The following ARFGEF2 variants were observed in gnomAD, a reference collection of about 807,000 sequenced individuals.
ARFGEF2 encodes the protein ARF guanine nucleotide exchange factor 2.
In ARFGEF2, 74 loss-of-function variants were observed where a neutral mutation model predicts 219.9. That is an observed-to-expected ratio of 0.34 (90% confidence interval 0.28 to 0.41). ARFGEF2 has a LOEUF of 0.41. ARFGEF2 is among the 10% of genes least tolerant of loss of function. The probability of loss-of-function intolerance (pLI) is 1.00; values close to 1 mark genes in which losing one functional copy is unlikely to be tolerated. For missense variants in ARFGEF2, 1,743 were observed against 2,218.3 expected (o/e 0.79, Z 4.30); for synonymous variants, 733 against 799.2 (o/e 0.92, Z 1.40).
rs7270848 is a variant in ARFGEF2, at chr20:49,023,200, A to G, written c.4755+19A>G. The G allele has an allele frequency of 0.32, 514,364 of 1,613,152 alleles. 84,582 individuals are homozygous for G. Among genetic ancestry groups the G allele is most frequent in the African/African-American group, 0.53 (39,410 of 74,866 alleles). On this transcript the variant is annotated intron_variant, in intron 35 of 38. Coordinates refer to ENST00000371917, the MANE Select transcript of ARFGEF2 (RefSeq NM_006420.3). ...CGCCCAGGTAAGAACAGGAGGCCTC[A>G]GGAAGAGCATCCCTGTCCATAGGGA...
At position 49,034,858 on chromosome 20, in the gene ARFGEF2, GT is replaced by G. The variant is rs1446062426; in HGVS notation, c.*1665del. 1 of 152,144 alleles carries G rather than the reference GT, an allele frequency of 6.6e-6. No homozygotes were observed. Among genetic ancestry groups the G allele is most frequent in the African/African-American group, 2.4e-5 (1 of 41,422 alleles). 9.4% of individuals were successfully genotyped at this position (152,144 alleles called of 1,614,324 possible). On this transcript the variant is annotated 3_prime_UTR_variant, in exon 39 of 39. Coordinates refer to ENST00000371917, the MANE Select transcript of ARFGEF2 (RefSeq NM_006420.3). The stretch of plus-strand genomic sequence containing the variant: ...TCTACTTTTTTCTTTCCCAAAAAGT[GT>G]TTTTTAATTTCTCTACCAAAGAAAA...
chr20:48,959,512 TTCCACC>T (rs2091129932), intron 6 of ARFGEF2, among the ~76,000 whole-genome samples: 1 of 12,974 alleles, frequency 7.7e-5, no homozygotes. Flanking sequence ...CTTCCCTCCT[TTCCACC>T]CTCCCTCTTT....
intron 37 of ARFGEF2, among the ~76,000 whole-genome samples, chr20:49,030,196 C>T (rs568698612): frequency 2.2e-4 from 34 of 151,996 alleles, no homozygotes; most frequent in African/African-American, 4.4e-4. Context: ...TGAGCCACTG[C>T]GCCCGGCCTA....
intron 12 of ARFGEF2, 35 bp from the exon 13 acceptor site, chr20:48,974,731 G>T (rs1202430228): frequency 6.4e-7 from 1 of 1,561,914 alleles, no homozygotes; most frequent in Non-Finnish European, 8.8e-7. Flanking sequence ...TCATTTTTCT[G>T]TTAAGTCTCT....
chr20:48,932,205 G>A lies in ARFGEF2; in HGVS notation c.122-8994G>A, dbSNP rs955365641. 3.3e-5 allele frequency among the ~76,000 whole-genome samples: 5 copies of A among 152,234 alleles called. No individual in the cohort carries two copies. In the East Asian group the frequency reaches 7.7e-4, roughly 24 times the overall value. On this transcript the variant is annotated intron_variant, in intron 1 of 38. Coordinates refer to ENST00000371917, the MANE Select transcript of ARFGEF2 (RefSeq NM_006420.3). ...GCAGGAGAGAGCAGAGAGTAGGCCC[G>A]AAGTGGGTCAGGTTGTAGGTTTGCT... is the stretch of plus-strand genomic sequence containing the variant.
chr20:48,961,006 G>C (rs1159368923), intron 6 of ARFGEF2, among the ~76,000 whole-genome samples: 6 of 150,746 alleles, frequency 4.0e-5, no homozygotes, highest in African/African-American at 1.5e-4. Flanking sequence ...CTTGAACCCG[G>C]GAGGCGGAGG....
At position 49,036,097 on chromosome 20, in the gene ARFGEF2, C is replaced by T. The variant is rs562341163; in HGVS notation, c.*2898C>T. The T allele has an allele frequency of 4.3e-5, 17 of 397,992 alleles. No individual in the cohort carries two copies. The South Asian group carries it at 2.2e-3, about 51-fold the overall frequency. The allele number at this position is 397,992 out of a possible 1,614,324, so 24.7% of individuals were successfully genotyped here. A position where few individuals can be genotyped will look rare whatever the true frequency, so the allele number is the denominator to read the frequency against. ...AACCTGCTGATAAGTACAAGTGTGA[C>T]CATCTCATTCAAATGTTTGTTGTTA... On this transcript the variant is annotated 3_prime_UTR_variant, in exon 39 of 39. Transcript: ENST00000371917.
chr20:49,024,757 T>C (rs559514633), intron 35 of ARFGEF2, among the ~76,000 whole-genome samples: 1 of 152,126 alleles, frequency 6.6e-6, no homozygotes, highest in Non-Finnish European at 1.5e-5. Context: ...CCCAGCACTT[T>C]GGGAGGCCGA....
In ARFGEF2 at chr20:48,982,769, A is replaced by G. The variant is rs184735256; in HGVS notation, c.1959-1960A>G. Among the ~76,000 whole-genome samples, 551 of 152,266 alleles carry G rather than the reference A, an allele frequency of 3.6e-3. 3 individuals are homozygous for G. Among genetic ancestry groups the G allele is most frequent in the African/African-American group, 0.013 (531 of 41,558 alleles). On this transcript the variant is annotated intron_variant, in intron 14 of 38. Coordinates refer to ENST00000371917, the MANE Select transcript of ARFGEF2 (RefSeq NM_006420.3). ...ATCTCAGACTGCTGAGCCAGCAGTGAGCAAGGCTCCGTGGGCGTGGGACCT... is the reference window on the plus strand; with the variant it reads ...ATCTCAGACTGCTGAGCCAGCAGTGGGCAAGGCTCCGTGGGCGTGGGACCT...
chr20:48,994,365 T>A (rs1026464803), intron 21 of ARFGEF2, 86 bp from the exon 22 acceptor site: 24 of 1,575,116 alleles, frequency 1.5e-5, no homozygotes, highest in Non-Finnish European at 2.1e-5. Flanking sequence ...TGAACCAACT[T>A]TTTTTTAATG....
At position 48,953,770 on chromosome 20, in the gene ARFGEF2, A is replaced by G. The variant is rs2091088168; in HGVS notation, c.818A>G (p.Glu273Gly). The stretch of plus-strand genomic sequence containing the variant: ...ACAGAAAATGGAGACGCACCCAGAG[A>G]AAGAGGCTCATCACTGTCAGGTACG... ...VSTENGDAPR[E>G]RGSSLSGTDD... is the part of the protein sequence containing the mutation. Residue 273 changes from glutamate (E) to glycine (G), a missense_variant, in exon 6 of 39, where the codon GAA (glutamate) becomes GGA (glycine). This residue lies in a region of ARFGEF2 where 394 missense variants were observed against 426.6 expected (regional missense o/e 0.92). Coordinates refer to ENST00000371917, the MANE Select transcript of ARFGEF2 (RefSeq NM_006420.3). 2 of 1,614,042 alleles carry G rather than the reference A, an allele frequency of 1.2e-6. No individual in the cohort carries two copies. The highest frequency in any genetic ancestry group is 1.7e-5 in the Admixed American group (1 of 59,998).
At chr20:48,941,373 G>A (rs1290959916) in intron 2 of ARFGEF2, 144 bp downstream of exon 2, 10 of 833,020 alleles carry the variant, frequency 1.2e-5, no homozygotes, top group African/African-American at 5.1e-5. Context: ...CTAGGCACAC[G>A]GCACAACTCT....
In ARFGEF2 at chr20:49,017,626, T is replaced by C. The variant is rs887530504; in HGVS notation, c.4509+76T>C. 7 of 1,504,358 alleles carry C rather than the reference T, an allele frequency of 4.7e-6. No homozygotes were observed. In the African/African-American group the frequency reaches 9.8e-5, roughly 21 times the overall value. 93.2% of individuals were successfully genotyped at this position (1,504,358 alleles called of 1,614,324 possible). A position where few individuals can be genotyped will look rare whatever the true frequency, so the allele number is the denominator to read the frequency against. On this transcript the variant is annotated intron_variant, in intron 33 of 38. Coordinates refer to ENST00000371917, the MANE Select transcript of ARFGEF2 (RefSeq NM_006420.3). Reference sequence around the variant, plus strand: ...AAAAGATCAATAAGCCTGTATAGTTTGTACTTTTTTTAATGGGAAGTGAGT... The same window carrying C: ...AAAAGATCAATAAGCCTGTATAGTTCGTACTTTTTTTAATGGGAAGTGAGT...
At chr20:49,000,935 G>A (rs1289898931) in intron 25 of ARFGEF2, among the ~76,000 whole-genome samples, 3 of 152,086 alleles carry the variant, frequency 2.0e-5, no homozygotes, top group Non-Finnish European at 4.4e-5. Context: ...TTACAGGCAA[G>A]GTTGGGACAT....
chr20:49,026,576 T>A (rs887307933), intron 36 of ARFGEF2, among the ~76,000 whole-genome samples: 2 of 151,474 alleles, frequency 1.3e-5, no homozygotes, highest in Non-Finnish European at 2.9e-5. Flanking sequence ...TGTTAATTTT[T>A]ACCATTACTT....
At chr20:48,948,488 G>A (rs1449603655) in intron 3 of ARFGEF2, among the ~76,000 whole-genome samples, 2 of 152,160 alleles carry the variant, frequency 1.3e-5, no homozygotes, top group African/African-American at 4.8e-5. Context: ...TCCTATCACT[G>A]AGGCAAAGTA....
intron 34 of ARFGEF2, among the ~76,000 whole-genome samples, chr20:49,019,221 T>C (rs1039145467): frequency 1.3e-5 from 2 of 152,218 alleles, no homozygotes; most frequent in African/African-American, 2.4e-5. Flanking sequence ...TACATACATA[T>C]ATAGTACATA....
chr20:49,017,869 A>G (rs1339706126), intron 33 of ARFGEF2, among the ~76,000 whole-genome samples: 3 of 152,168 alleles, frequency 2.0e-5, no homozygotes. Context: ...CATATTTTAA[A>G]CGGTTCTTTG....
At chr20:48,991,590 A>G (rs1027154028) in intron 21 of ARFGEF2, among the ~76,000 whole-genome samples, 2 of 151,964 alleles carry the variant, frequency 1.3e-5, no homozygotes, top group African/African-American at 4.8e-5. Flanking sequence ...ATGAGCTGTT[A>G]GGGAGAGTGC....
Sources: allele counts gnomAD v4.1 joint callset (sites outside exome capture counted in the v4.1 genomes callset), GRCh38; gene constraint gnomAD v4.1.1; regional missense constraint gnomAD v4.1.1; transcripts MANE v1.5; gene names NCBI Gene and HGNC (gene_info 2026-07-23, HGNC 2026-07-21).